The following SCGB2B2 variants were observed in gnomAD, a reference collection of about 807,000 sequenced individuals.
The protein encoded by SCGB2B2 is secretoglobin-like protein.
SCGB2B2 carries 11 observed loss-of-function variants against 7.6 expected under a neutral mutation model. The ratio of observed to expected loss-of-function variants is 1.45; its 90% CI spans 0.91 to 2.40. The LOEUF is 2.40. Ranked by LOEUF, SCGB2B2 falls within the 30% of genes most tolerant of loss-of-function variation. SCGB2B2 has a pLI of 0.00. For missense variants in SCGB2B2, 104 were observed against 115.4 expected (o/e 0.90, Z 0.45); for synonymous variants, 50 against 48.6 (o/e 1.03, Z -0.12).
At position 34,629,333 on chromosome 19, in the gene SCGB2B2, CCT is replaced by C. The variant is rs1328978314; in HGVS notation, c.-2031-32741_-2031-32740del. On this transcript the variant is annotated intron_variant, in intron 1 of 3. Coordinates refer to ENST00000601241, the MANE Select transcript of SCGB2B2 (RefSeq NM_001025591.4). Reference sequence around the variant, plus strand: ...TAGGAAAAGAGGAAGTCAAATTGCCCCTGTTTGCAGATGACATGATTGTACAT... The same window carrying C: ...TAGGAAAAGAGGAAGTCAAATTGCCCGTTTGCAGATGACATGATTGTACAT... Among the ~76,000 whole-genome samples, 9 of 151,884 alleles carry C rather than the reference CCT, an allele frequency of 5.9e-5. 1 individual carries two copies. The highest frequency in any genetic ancestry group is 1.0e-4 in the Non-Finnish European group (7 of 67,938).
At chr19:34,669,533 C>T (rs1442400692) in intron 1 of SCGB2B2, among the ~76,000 whole-genome samples, 1 of 152,202 alleles carries the variant, frequency 6.6e-6, no homozygotes, top group African/African-American at 2.4e-5. Context: ...CATGGACCTG[C>T]AGGCTGGCAC....
chr19:34,666,642 G>A (rs1442007754), intron 1 of SCGB2B2, among the ~76,000 whole-genome samples: 2 of 152,166 alleles, frequency 1.3e-5, no homozygotes, highest in Non-Finnish European at 2.9e-5. Flanking sequence ...AGGACCCTGA[G>A]TTTAAAGACC....
chr19:34,639,623 T>A (rs2066785454), intron 1 of SCGB2B2, among the ~76,000 whole-genome samples: 2 of 152,180 alleles, frequency 1.3e-5, no homozygotes, highest in African/African-American at 4.8e-5. Context: ...CTGAACTTTG[T>A]TCAGGAGCCA....
chr19:34,664,727 C>T (rs915507054), intron 1 of SCGB2B2, among the ~76,000 whole-genome samples: 4 of 152,174 alleles, frequency 2.6e-5, no homozygotes, highest in African/African-American at 9.7e-5. Flanking sequence ...AGCCCTGAGT[C>T]AGCCTCAGGC....
intron 1 of SCGB2B2, among the ~76,000 whole-genome samples, chr19:34,598,281 C>G (rs933129238): frequency 7.2e-5 from 11 of 152,150 alleles, no homozygotes; most frequent in African/African-American, 2.7e-4. Context: ...TGGGCTGCAG[C>G]AGAGCGTGGA....
chr19:34,645,096 AACAC>A lies in SCGB2B2; in HGVS notation c.-2032+30530_-2032+30533del, dbSNP rs370330008. On this transcript the variant is annotated intron_variant, in intron 1 of 3. Transcript: ENST00000601241. ...GCTCATGAACACAGACACAGGGAGA[AACAC>A]ACACACGAACCCAGATGTCTACCCA... Among the ~76,000 whole-genome samples the A allele has an allele frequency of 2.3e-3, 347 of 152,332 alleles. 2 individuals are homozygous for A. The highest frequency in any genetic ancestry group is 7.7e-3 in the African/African-American group (320 of 41,580).
At chr19:34,616,828 T>C (rs1039962080) in intron 1 of SCGB2B2, among the ~76,000 whole-genome samples, 11 of 152,028 alleles carry the variant, frequency 7.2e-5, no homozygotes, top group African/African-American at 2.4e-4. Flanking sequence ...GGTCTAAGGT[T>C]TAAGTCTTTA....
chr19:34,644,352 TTTTTTTTTTG>T (rs1258616521), intron 1 of SCGB2B2, among the ~76,000 whole-genome samples: 6 of 125,446 alleles, frequency 4.8e-5, no homozygotes, highest in Non-Finnish European at 8.4e-5. Context: ...GTTTTTTTGT[TTTTTTTTTTG>T]TTTTTTTTTT....
At position 34,597,471 on chromosome 19, in the gene SCGB2B2, C is replaced by T. The variant is rs143685503; in HGVS notation, c.-2031-877G>A. On this transcript the variant is annotated intron_variant, in intron 1 of 3. Transcript: ENST00000601241. The stretch of plus-strand genomic sequence containing the variant: ...AGAGGGTTTGATATCAGACATCTCC[C>T]GTGCACCACTTTCAGCCATCTCAGC... Among the ~76,000 whole-genome samples, 323 of 152,242 alleles carry T rather than the reference C, an allele frequency of 2.1e-3. 3 individuals are homozygous for T. The highest frequency in any genetic ancestry group is 3.5e-3 in the Non-Finnish European group (238 of 68,020).
chr19:34,593,582 G>A lies in SCGB2B2; in HGVS notation c.264C>T (p.Ser88=). The change falls in exon 4 of 4, where the codon AGC becomes AGT. Residue 88 remains serine (S), a synonymous_variant. Coordinates refer to ENST00000601241, the MANE Select transcript of SCGB2B2 (RefSeq NM_001025591.4). ...HSVVIKKILQ[S]NDCIEAAF ...AGAAGGCTGCTTCTATGCAATCGTT[G>A]CTCTGAAGGATCTTCTTCTGTTGGA... 1 of 1,553,620 alleles carries A rather than the reference G, an allele frequency of 6.4e-7. No homozygotes were observed. The highest frequency in any genetic ancestry group is 8.7e-7 in the Non-Finnish European group (1 of 1,148,054).
chr19:34,612,347 CTTG>C (rs2065956555), intron 1 of SCGB2B2, among the ~76,000 whole-genome samples: 1 of 152,000 alleles, frequency 6.6e-6, no homozygotes, highest in Non-Finnish European at 1.5e-5. Context: ...GAAAATTTAT[CTTG>C]TTATTGATTT....
chr19:34,606,794 T>C (rs927371591), intron 1 of SCGB2B2, among the ~76,000 whole-genome samples: 7 of 149,762 alleles, frequency 4.7e-5, no homozygotes, highest in Non-Finnish European at 1.0e-4. Context: ...AATTAAACTT[T>C]ATGATAGGTA....
At chr19:34,590,353 T>TCATCCATC (rs144099847), downstream of SCGB2B2, among the ~76,000 whole-genome samples, 7 of 150,342 alleles carry the variant, frequency 4.7e-5, no homozygotes, top group East Asian at 1.2e-3. Flanking sequence ...CATGCACTCA[T>TCATCCATC]CATCCATCCA....
chr19:34,635,581 TC>T, intron 1 of SCGB2B2: 1 of 231,280 alleles, frequency 4.3e-6, no homozygotes, highest in South Asian at 6.9e-5. Flanking sequence ...CTGAAGAATT[TC>T]CCACATTCAC....
intron 1 of SCGB2B2, among the ~76,000 whole-genome samples, chr19:34,665,176 G>A (rs1196317030): frequency 6.6e-6 from 1 of 152,162 alleles, no homozygotes; most frequent in African/African-American, 2.4e-5. Flanking sequence ...CGTCCCTCCT[G>A]TGCCCAGGCC....
intron 1 of SCGB2B2, among the ~76,000 whole-genome samples, chr19:34,627,469 A>T (rs1414584015): frequency 1.1e-4 from 16 of 152,236 alleles, no homozygotes; most frequent in Admixed American, 1.0e-3. Context: ...TTGCAATCCT[A>T]GTCTCGGATA....
chr19:34,643,681 C>T (rs2066908993), intron 1 of SCGB2B2, among the ~76,000 whole-genome samples: 1 of 152,014 alleles, frequency 6.6e-6, no homozygotes, highest in African/African-American at 2.4e-5. Context: ...ACCTCATGTA[C>T]TCCATAAACA....
chr19:34,674,344 C>G (rs2067871253), intron 1 of SCGB2B2, among the ~76,000 whole-genome samples: 1 of 152,098 alleles, frequency 6.6e-6, no homozygotes, highest in Non-Finnish European at 1.5e-5. Context: ...TATGGGAAAG[C>G]TACATGAAAT....
chr19:34,638,110 A>G (rs2066737719), intron 1 of SCGB2B2: 1 of 150,332 alleles, frequency 6.7e-6, no homozygotes, highest in Admixed American at 6.7e-5. Context: ...TGTCCTTATC[A>G]CCCTCAGTCT....
Sources: gnomAD v4.1 joint callset for allele counts (sites outside exome capture counted in the v4.1 genomes callset) on GRCh38, gnomAD v4.1.1 for gene constraint, MANE v1.5 for transcripts, NCBI Gene and HGNC (gene_info 2026-07-23, HGNC 2026-07-21) for gene names.